The following TMEM135 variants were observed in gnomAD, a reference collection of about 807,000 sequenced individuals.
The protein encoded by TMEM135 is transmembrane protein 135, also known as peroxisomal membrane protein 52.
Under a neutral mutation model 60.3 loss-of-function variants are expected in TMEM135, and 30 were observed. That is an observed-to-expected ratio of 0.50 (90% CI 0.37 to 0.68). TMEM135 has a LOEUF of 0.68. TMEM135 is among the 30% of genes least tolerant of loss of function. TMEM135 has a pLI of 0.00. For synonymous variants in TMEM135, 190 were observed against 186.7 expected, an observed-to-expected ratio of 1.02 and a Z score of -0.14; for missense variants, 468 against 548.8, an observed-to-expected ratio of 0.85 and a Z score of 1.47.
At chr11:87,140,486 C>T (rs990379553) in intron 4 of TMEM135, among the ~76,000 whole-genome samples, 1 of 152,104 alleles carries the variant, frequency 6.6e-6, no homozygotes, top group Admixed American at 6.6e-5. Flanking sequence ...TGTTCTGCCT[C>T]CTTCTATTTA....
At position 87,313,437 on chromosome 11, in the gene TMEM135, T is replaced by C. The variant is rs1327265058; in HGVS notation, c.949T>C (p.Phe317Leu). ...TCTCCTTAACTAGGGTACTAGTTGC[T>C]TCCTGCGCTGGATCAGAAACTTAGA... ...FVSIYKGTSC[F>L]LRWIRNLDDE... The change falls in exon 11 of 15, where the codon TTC (phenylalanine) becomes CTC (leucine). Residue 317 changes from phenylalanine (F) to leucine (L), a missense_variant. Physicochemically the swap from Phe to Leu is conservative, Grantham distance 22. Coordinates refer to ENST00000305494, the MANE Select transcript of TMEM135 (RefSeq NM_022918.4). 6.2e-7 allele frequency: 1 copy of C among 1,611,154 alleles called. No homozygotes were observed. The highest frequency in any genetic ancestry group is 2.2e-5 in the East Asian group (1 of 44,744).
chr11:87,121,639 CTTTTTTTTTT>C (rs542358265), intron 4 of TMEM135: 1 of 110,222 alleles, frequency 9.1e-6, no homozygotes, highest in Non-Finnish European at 1.8e-5. Context: ...TTTGAATGTA[CTTTTTTTTTT>C]TTTTTTTTTG....
In TMEM135 at chr11:87,323,100, T is replaced by C; in HGVS notation, c.*1767T>C. On this transcript the variant is annotated 3_prime_UTR_variant, in exon 15 of 15. Coordinates refer to ENST00000305494, the MANE Select transcript of TMEM135 (RefSeq NM_022918.4). ...AGGTTTAAAAAGATGTTTTAATTCATAAATTATTGTTTTCATTGACATTAA... is the reference window on the plus strand; with the variant it reads ...AGGTTTAAAAAGATGTTTTAATTCACAAATTATTGTTTTCATTGACATTAA... The C allele has an allele frequency of 2.2e-6, 1 of 453,746 alleles. No individual in the cohort carries two copies. Among genetic ancestry groups the C allele is most frequent in the Non-Finnish European group, 4.4e-6 (1 of 226,614 alleles). 28.1% of individuals were successfully genotyped at this position (453,746 alleles called of 1,614,324 possible).
At chr11:87,158,571 C>T (rs776276002) in intron 5 of TMEM135, among the ~76,000 whole-genome samples, 2 of 151,478 alleles carry the variant, frequency 1.3e-5, no homozygotes, top group African/African-American at 2.4e-5. Flanking sequence ...ATGCCATTCT[C>T]CTGCCTCAGC....
chr11:87,321,391 T>G lies in TMEM135; in HGVS notation c.*58T>G. On this transcript the variant is annotated 3_prime_UTR_variant, in exon 15 of 15. Transcript: ENST00000305494. Reference sequence around the variant, plus strand: ...TTTCATCTTGAAGAGTTAATTATGTTGAACACAAAGGAGGGGGCCCAAGCT... The same window carrying G: ...TTTCATCTTGAAGAGTTAATTATGTGGAACACAAAGGAGGGGGCCCAAGCT... 1.3e-6 allele frequency: 2 copies of G among 1,595,194 alleles called. No homozygotes were observed. The highest frequency in any genetic ancestry group is 1.1e-5 in the South Asian group (1 of 90,700).
intron 5 of TMEM135, among the ~76,000 whole-genome samples, chr11:87,215,294 A>G (rs1029725835): frequency 1.3e-5 from 2 of 152,224 alleles, no homozygotes; most frequent in African/African-American, 2.4e-5. Flanking sequence ...TTACCATATA[A>G]TGAACTACCC....
intron 4 of TMEM135, among the ~76,000 whole-genome samples, chr11:87,119,400 A>G (rs1269160123): frequency 6.6e-6 from 1 of 152,180 alleles, no homozygotes. Flanking sequence ...AGCAATTGCA[A>G]TGGTAACATG....
chr11:87,307,883 T>G (rs1942578637), intron 9 of TMEM135, among the ~76,000 whole-genome samples: 1 of 152,214 alleles, frequency 6.6e-6, no homozygotes, highest in Non-Finnish European at 1.5e-5. Context: ...TCTTGGTTCC[T>G]TATACCTGCC....
intron 4 of TMEM135, among the ~76,000 whole-genome samples, chr11:87,144,709 AGTGTGTGT>A (rs4014711): frequency 1.2e-4 from 17 of 147,130 alleles, no homozygotes; most frequent in African/African-American, 3.7e-4. Context: ...TGTGTGTGAA[AGTGTGTGT>A]GTGTGTGTGT....
intron 5 of TMEM135, among the ~76,000 whole-genome samples, chr11:87,187,643 G>A (rs147452029): frequency 2.0e-5 from 3 of 152,320 alleles, no homozygotes; most frequent in East Asian, 3.9e-4. Context: ...GTGTGTGAAC[G>A]TAGTTGCCAT....
At chr11:87,214,663 AT>A (rs1221434333) in intron 5 of TMEM135, among the ~76,000 whole-genome samples, 1 of 151,854 alleles carries the variant, frequency 6.6e-6, no homozygotes, top group Non-Finnish European at 1.5e-5. Flanking sequence ...AAGTGGTTTT[AT>A]TCTGAGTATT....
intron 3 of TMEM135, 147 bp downstream of exon 3, chr11:87,071,762 AT>A (rs1383326851): frequency 2.1e-5 from 10 of 473,618 alleles, no homozygotes; most frequent in Non-Finnish European, 3.6e-5. Context: ...TTGAAAATTA[AT>A]TTTATATTAA....
At chr11:87,302,883 T>A (rs1450700880) in intron 8 of TMEM135, among the ~76,000 whole-genome samples, 1 of 152,228 alleles carries the variant, frequency 6.6e-6, no homozygotes, top group Non-Finnish European at 1.5e-5. Context: ...GTTCTCAAAC[T>A]GAAATGTTTT....
intron 9 of TMEM135, among the ~76,000 whole-genome samples, chr11:87,306,829 C>T (rs1347547386): frequency 6.6e-6 from 1 of 152,082 alleles, no homozygotes. Context: ...AGCACTTCTC[C>T]CATCTCATCC....
intron 6 of TMEM135, among the ~76,000 whole-genome samples, chr11:87,238,640 A>G (rs1454978729): frequency 2.0e-5 from 3 of 152,106 alleles, no homozygotes; most frequent in African/African-American, 7.2e-5. Context: ...TGTGGGAGTT[A>G]GGAACAATGA....
chr11:87,079,750 C>G (rs1451062990), intron 3 of TMEM135, among the ~76,000 whole-genome samples: 1 of 151,230 alleles, frequency 6.6e-6, no homozygotes, highest in Non-Finnish European at 1.5e-5. Flanking sequence ...TGCTGTGAAC[C>G]TTTATCATGA....
chr11:87,170,265 C>T (rs767781118), intron 5 of TMEM135, among the ~76,000 whole-genome samples: 3 of 152,104 alleles, frequency 2.0e-5, no homozygotes, highest in Admixed American at 6.5e-5. Context: ...TGTTATTACC[C>T]ACCTTCTGAA....
intron 6 of TMEM135, among the ~76,000 whole-genome samples, chr11:87,267,327 G>A (rs1357726936): frequency 6.6e-6 from 1 of 151,994 alleles, no homozygotes; most frequent in Non-Finnish European, 1.5e-5. Context: ...TTTGAGCTGA[G>A]AAAGTCCTAA....
chr11:87,071,713 T>C (rs568000299), intron 3 of TMEM135, 98 bp downstream of exon 3: 59 of 732,158 alleles, frequency 8.1e-5, no homozygotes, highest in Non-Finnish European at 1.1e-4. Flanking sequence ...GGATGAGAAA[T>C]ATTTCTAGAT....
Sources: gnomAD v4.1 joint callset for allele counts (sites outside exome capture counted in the v4.1 genomes callset) on GRCh38, gnomAD v4.1.1 for gene constraint, MANE v1.5 for transcripts, NCBI Gene and HGNC (gene_info 2026-07-23, HGNC 2026-07-21) for gene names.